Variants in PLCL1 observed in about 807,000 individuals in gnomAD.
PLCL1 encodes the protein inactive phospholipase C-like protein 1.
Under a neutral mutation model 84.4 loss-of-function variants are expected in PLCL1, and 41 were observed. That is an observed-to-expected ratio of 0.49 (90% CI 0.38 to 0.63). PLCL1 has a LOEUF of 0.63. Among genes scored for constraint, PLCL1 ranks in the 30% least tolerant of loss-of-function variants. The probability of loss-of-function intolerance (pLI) is 0.00; values close to 1 mark genes in which losing one functional copy is unlikely to be tolerated. For missense variants in PLCL1, 1,206 were observed against 1,367.8 expected (o/e 0.88, Z 1.87); for synonymous variants, 490 against 488.3 (o/e 1.00, Z -0.05).
intron 1 of PLCL1, among the ~76,000 whole-genome samples, chr2:197,812,309 T>C (rs959329943): frequency 1.3e-5 from 2 of 152,204 alleles, no homozygotes; most frequent in African/African-American, 4.8e-5. Context: ...GTTGGATATA[T>C]ACCCAGTTGT....
At chr2:197,940,919 T>C (rs566303304) in intron 1 of PLCL1, among the ~76,000 whole-genome samples, 35 of 152,352 alleles carry the variant, frequency 2.3e-4, no homozygotes, top group African/African-American at 8.4e-4. Context: ...ATTTAAATGA[T>C]GAAAGTATAC....
In PLCL1 at chr2:198,101,918, GATA is replaced by G. The variant is rs201597835; in HGVS notation, c.2995+561_2995+563del. ...CACAACCTTCTCTATCCACATACCC[GATA>G]ATGATTATGACGAGGAAGATGACAA... On this transcript the variant is annotated intron_variant, in intron 4 of 5. Coordinates refer to ENST00000428675, the MANE Select transcript of PLCL1 (RefSeq NM_006226.4). Among the ~76,000 whole-genome samples, 541 of 152,094 alleles carry G rather than the reference GATA, an allele frequency of 3.6e-3. 4 individuals are homozygous for G. The highest frequency in any genetic ancestry group is 0.012 in the African/African-American group (517 of 41,512).
chr2:198,094,109 T>G (rs1458964127), intron 3 of PLCL1, among the ~76,000 whole-genome samples: 1 of 152,212 alleles, frequency 6.6e-6, no homozygotes, highest in Non-Finnish European at 1.5e-5. Context: ...TCGCCCAGAC[T>G]GGAGTACAGT....
intron 1 of PLCL1, among the ~76,000 whole-genome samples, chr2:197,846,928 T>C (rs1687129369): frequency 6.6e-6 from 1 of 152,162 alleles, no homozygotes; most frequent in African/African-American, 2.4e-5. Context: ...GCTGTATTGC[T>C]GATATGAGAC....
At chr2:198,115,766 C>T (rs1693730238) in intron 5 of PLCL1, among the ~76,000 whole-genome samples, 1 of 151,604 alleles carries the variant, frequency 6.6e-6, no homozygotes, top group African/African-American at 2.4e-5. Context: ...TCTCGTGAGA[C>T]TTATTCACTA....
At position 198,029,807 on chromosome 2, in the gene PLCL1, T is replaced by C. The variant is rs1381739800; in HGVS notation, c.241-53951T>C. 1.1e-4 allele frequency among the ~76,000 whole-genome samples: 11 copies of C among 103,736 alleles called. 2 individuals are homozygous for C. The East Asian group carries it at 3.9e-3, about 37-fold the overall frequency. The allele number at this position is 103,736 out of a possible 152,430, so 68.1% of individuals were successfully genotyped here. A position where few individuals can be genotyped will look rare whatever the true frequency, so the allele number is the denominator to read the frequency against. ...CTTCTGTCTCCTGGATTCAAGTGAT[T>C]CTCCTGCTTCAGTTTCCTGAGTAGC... On this transcript the variant is annotated intron_variant, in intron 1 of 5. Transcript: ENST00000428675.
chr2:197,942,175 T>G (rs1245456563), intron 1 of PLCL1, among the ~76,000 whole-genome samples: 1 of 152,200 alleles, frequency 6.6e-6, no homozygotes, highest in Non-Finnish European at 1.5e-5. Context: ...GTCATTGTCT[T>G]TCTTTGAATT....
At chr2:197,967,460 A>C (rs1275968137) in intron 1 of PLCL1, among the ~76,000 whole-genome samples, 2 of 152,202 alleles carry the variant, frequency 1.3e-5, no homozygotes, top group Non-Finnish European at 2.9e-5. Context: ...TTTAGAAGTA[A>C]CTTGGGTATC....
intron 1 of PLCL1, among the ~76,000 whole-genome samples, chr2:197,808,176 A>T (rs993919284): frequency 6.6e-6 from 1 of 152,080 alleles, no homozygotes; most frequent in African/African-American, 2.4e-5. Flanking sequence ...TTTCTGTGTG[A>T]TTGTTTCAAC....
intron 1 of PLCL1, among the ~76,000 whole-genome samples, chr2:197,995,115 C>CAGAT (rs1470727636): frequency 6.6e-6 from 1 of 152,162 alleles, no homozygotes; most frequent in Non-Finnish European, 1.5e-5. Flanking sequence ...CTTTCTGGTG[C>CAGAT]AGATGTGTTA....
intron 1 of PLCL1, among the ~76,000 whole-genome samples, chr2:198,016,389 G>C (rs1213923622): frequency 1.3e-5 from 2 of 152,164 alleles, no homozygotes; most frequent in Non-Finnish European, 1.5e-5. Flanking sequence ...TTTCTTTGAT[G>C]CTCCTCTCTT....
intron 1 of PLCL1, among the ~76,000 whole-genome samples, chr2:198,058,016 T>C (rs768799879): frequency 8.5e-5 from 13 of 152,208 alleles, no homozygotes; most frequent in Non-Finnish European, 1.9e-4. Flanking sequence ...AAATAAATAC[T>C]ATGTGACTTA....
chr2:198,021,099 CA>C (rs1188677799), intron 1 of PLCL1, among the ~76,000 whole-genome samples: 5 of 152,224 alleles, frequency 3.3e-5, no homozygotes, highest in Admixed American at 1.3e-4. Context: ...GAAACTCACT[CA>C]AAACCAAACT....
At chr2:197,891,867 T>C (rs1466323856) in intron 1 of PLCL1, among the ~76,000 whole-genome samples, 1 of 152,178 alleles carries the variant, frequency 6.6e-6, no homozygotes, top group African/African-American at 2.4e-5. Flanking sequence ...GGATCTGAGA[T>C]TCTGCCTTTC....
chr2:198,068,211 G>A (rs1261211661), intron 1 of PLCL1, among the ~76,000 whole-genome samples: 2 of 152,090 alleles, frequency 1.3e-5, no homozygotes, highest in Non-Finnish European at 2.9e-5. Context: ...AATGATTATA[G>A]ATTATAAATG....
intron 1 of PLCL1, among the ~76,000 whole-genome samples, chr2:197,882,694 T>TA (rs1311256730): frequency 6.6e-6 from 1 of 152,158 alleles, no homozygotes; most frequent in African/African-American, 2.4e-5. Context: ...AAATTCTAAG[T>TA]AAAAAACTTT....
At chr2:197,857,627 TA>T in intron 1 of PLCL1, among the ~76,000 whole-genome samples, 1 of 152,272 alleles carries the variant, frequency 6.6e-6, no homozygotes, top group South Asian at 2.1e-4. Context: ...ACTAGTTTTC[TA>T]GTGAAGGTCA....
chr2:198,037,080 C>T (rs764461665), intron 1 of PLCL1, among the ~76,000 whole-genome samples: 6 of 152,144 alleles, frequency 3.9e-5, no homozygotes, highest in Admixed American at 6.6e-5. Flanking sequence ...GAGAATATCT[C>T]TAAAATATTT....
intron 1 of PLCL1, among the ~76,000 whole-genome samples, chr2:197,824,620 G>A: frequency 6.6e-6 from 1 of 151,320 alleles, no homozygotes; most frequent in Non-Finnish European, 1.5e-5. Flanking sequence ...AGGCTGAGAT[G>A]GGAGGATTGC....
Sources: gnomAD v4.1 joint callset for allele counts (sites outside exome capture counted in the v4.1 genomes callset) on GRCh38, gnomAD v4.1.1 for gene constraint, MANE v1.5 for transcripts, NCBI Gene and HGNC (gene_info 2026-07-23, HGNC 2026-07-21) for gene names.